TTC29: variants seen among roughly 807,000 people sequenced by gnomAD.
TTC29 encodes tetratricopeptide repeat protein 29.
In TTC29, 49 loss-of-function variants were observed where a neutral mutation model predicts 58.1. That is an observed-to-expected ratio of 0.84 (90% CI 0.67 to 1.07). The LOEUF is 1.07. TTC29 is among the 50% of genes least tolerant of loss of function. The pLI, the probability that TTC29 is intolerant of heterozygous loss-of-function variation, is 0.00. For synonymous variants in TTC29, 209 were observed against 196.8 expected (o/e 1.06, Z -0.52); for missense variants, 582 against 555.6 (o/e 1.05, Z -0.48).
intron 5 of TTC29, among the ~76,000 whole-genome samples, chr4:146,905,324 G>GTATATATA (rs10533850): frequency 6.8e-6 from 1 of 147,208 alleles, no homozygotes; most frequent in African/African-American, 2.5e-5. Flanking sequence ...TTAATAAAAA[G>GTATATATA]TATATATATA....
chr4:146,745,121 G>A (rs1213479158), intron 11 of TTC29, among the ~76,000 whole-genome samples: 1 of 152,210 alleles, frequency 6.6e-6, no homozygotes, highest in African/African-American at 2.4e-5. Context: ...CACAGTTGGG[G>A]ATATTGGACA....
At chr4:146,817,554 A>C (rs1751497401) in intron 10 of TTC29, among the ~76,000 whole-genome samples, 1 of 152,202 alleles carries the variant, frequency 6.6e-6, no homozygotes, top group South Asian at 2.1e-4. Context: ...GCTACCAATG[A>C]CTTTCTTCAC....
At chr4:146,882,873 T>C (rs953245088) in intron 6 of TTC29, among the ~76,000 whole-genome samples, 3 of 152,058 alleles carry the variant, frequency 2.0e-5, no homozygotes, top group Non-Finnish European at 4.4e-5. Flanking sequence ...TAGATGAGTA[T>C]GGAGGGAGAG....
chr4:146,759,401 T>C (rs13116597), intron 11 of TTC29, among the ~76,000 whole-genome samples: 37,303 of 151,892 alleles, frequency 0.25, 4,998 homozygotes, highest in East Asian at 0.38. Flanking sequence ...TTTCACAAGA[T>C]AGAGAAAGAA....
intron 4 of TTC29, among the ~76,000 whole-genome samples, chr4:146,929,904 C>T (rs1017725141): frequency 1.3e-5 from 2 of 151,432 alleles, no homozygotes; most frequent in Non-Finnish European, 2.9e-5. Context: ...AAGAGAAGCA[C>T]TTAAAATATA....
At chr4:146,719,143 T>G (rs1743164690) in intron 11 of TTC29, among the ~76,000 whole-genome samples, 1 of 151,900 alleles carries the variant, frequency 6.6e-6, no homozygotes, top group Non-Finnish European at 1.5e-5. Context: ...GGTAGTGTGA[T>G]GCCTCCAGAT....
intron 2 of TTC29, among the ~76,000 whole-genome samples, chr4:146,941,817 G>T (rs941029007): frequency 1.3e-5 from 2 of 152,144 alleles, no homozygotes; most frequent in Admixed American, 6.5e-5. Context: ...AGACTGTAGT[G>T]GGGGAAAGGG....
chr4:146,751,926 T>C (rs1161735468), intron 11 of TTC29, among the ~76,000 whole-genome samples: 1 of 151,846 alleles, frequency 6.6e-6, no homozygotes, highest in Non-Finnish European at 1.5e-5. Context: ...TAAACAAAAT[T>C]GACAAACTCT....
intron 6 of TTC29, among the ~76,000 whole-genome samples, chr4:146,875,794 A>G (rs533338779): frequency 1.5e-4 from 23 of 152,348 alleles, no homozygotes; most frequent in African/African-American, 5.5e-4. Flanking sequence ...AATAAAATCC[A>G]AAATATATCT....
intron 11 of TTC29, among the ~76,000 whole-genome samples, chr4:146,734,275 T>C (rs1222923879): frequency 6.6e-6 from 1 of 152,116 alleles, no homozygotes; most frequent in African/African-American, 2.4e-5. Context: ...TAATTATAAA[T>C]TGGGGGAGCT....
At chr4:146,806,307 T>C (rs1426223721) in intron 10 of TTC29, among the ~76,000 whole-genome samples, 1 of 152,136 alleles carries the variant, frequency 6.6e-6, no homozygotes, top group African/African-American at 2.4e-5. Context: ...ATCAACACTA[T>C]GAAGAAACTG....
chr4:146,815,100 C>T (rs1341840699), intron 10 of TTC29, among the ~76,000 whole-genome samples: 6 of 152,192 alleles, frequency 3.9e-5, no homozygotes, highest in Admixed American at 1.3e-4. Flanking sequence ...GCAGAGAAAT[C>T]GCATTTTACA....
chr4:146,935,737 T>G (rs6845774), intron 4 of TTC29, among the ~76,000 whole-genome samples: 1 of 152,104 alleles, frequency 6.6e-6, no homozygotes, highest in African/African-American at 2.4e-5. Context: ...AAAATATCAT[T>G]GTCTCTCCCA....
chr4:146,716,627 T>C (rs1418653287), intron 11 of TTC29, among the ~76,000 whole-genome samples: 1 of 152,052 alleles, frequency 6.6e-6, no homozygotes, highest in African/African-American at 2.4e-5. Flanking sequence ...AGTTTTCTAA[T>C]GTATGTTGAG....
At chr4:146,845,757 CCGCTGCCT>C (rs1230883609) in intron 8 of TTC29, among the ~76,000 whole-genome samples, 4 of 152,090 alleles carry the variant, frequency 2.6e-5, no homozygotes, top group Non-Finnish European at 4.4e-5. Context: ...ATTGCAGGCC[CCGCTGCCT>C]GCATTGTTCT....
At chr4:146,940,544 T>C (rs1321356344) in intron 2 of TTC29, among the ~76,000 whole-genome samples, 3 of 152,182 alleles carry the variant, frequency 2.0e-5, no homozygotes, top group Admixed American at 2.0e-4. Context: ...TAGGCATGGA[T>C]TTTTTCTCCT....
chr4:146,909,378 A>G (rs1371908642), intron 4 of TTC29, 129 bp from the exon 5 acceptor site: 8 of 709,750 alleles, frequency 1.1e-5, no homozygotes, highest in East Asian at 1.1e-4. Flanking sequence ...ACTGAAAACT[A>G]TCAAAAGATC....
In TTC29 at chr4:146,874,703, C is replaced by T. The variant is rs1313658026; in HGVS notation, c.799+13G>A. 3 of 1,584,532 alleles carry T rather than the reference C, an allele frequency of 1.9e-6. No homozygotes were observed. In the South Asian group the frequency reaches 3.4e-5, roughly 18 times the overall value. On this transcript the variant is annotated intron_variant, in intron 7 of 12. Coordinates refer to ENST00000325106, the MANE Select transcript of TTC29 (RefSeq NM_031956.4). ...TTAAAGAAAGCAATGTGAGAGAGTT[C>T]TTTTCCACCCACCTTCTTTGGCTAT... is the stretch of plus-strand genomic sequence containing the variant.
intron 11 of TTC29, among the ~76,000 whole-genome samples, chr4:146,782,648 C>T (rs981343661): frequency 6.6e-6 from 1 of 151,980 alleles, no homozygotes; most frequent in South Asian, 2.1e-4. Flanking sequence ...TTTCACATAT[C>T]AATGTAATCT....
Sources: gnomAD v4.1 joint callset for allele counts (sites outside exome capture counted in the v4.1 genomes callset) on GRCh38, gnomAD v4.1.1 for gene constraint, MANE v1.5 for transcripts, NCBI Gene and HGNC (gene_info 2026-07-23, HGNC 2026-07-21) for gene names.